PARD3B: variants seen among roughly 807,000 people sequenced by gnomAD.
PARD3B encodes partitioning defective 3 homolog B.
Under a neutral mutation model 130.2 loss-of-function variants are expected in PARD3B, and 103 were observed. That is an observed-to-expected ratio of 0.79 (90% CI 0.67 to 0.93). PARD3B has a LOEUF of 0.93. Ranked by LOEUF, PARD3B falls within the 40% of genes least tolerant of loss-of-function variation. The pLI is 0.00. For synonymous variants in PARD3B, 583 were observed against 553.2 expected (o/e 1.05, Z -0.76); for missense variants, 1,609 against 1,499.2 (o/e 1.07, Z -1.21).
intron 4 of PARD3B, among the ~76,000 whole-genome samples, chr2:205,090,447 G>A (rs191445783): frequency 9.3e-4 from 141 of 152,264 alleles, no homozygotes; most frequent in East Asian, 6.8e-3. Context: ...TACAGTTCAG[G>A]AAAGATCCAA....
Position 205,300,509 on chromosome 2 carries a change from C to CTT in PARD3B, c.2186-18_2186-17dup. ...ACTGCCCCATTAGAAGAGGGGTGAC[C>CTT]TTTTGCCCTTTCTTTTCCAGAATCT... is the stretch of plus-strand genomic sequence containing the variant. On this transcript the variant is annotated intron_variant, in intron 16 of 22. Coordinates refer to ENST00000406610, the MANE Select transcript of PARD3B (RefSeq NM_001302769.2). This position sits in a 1 kb window ranked among gnomAD's most constrained non-coding sequence, Gnocchi z 4.1. 2.5e-6 allele frequency: 4 copies of CTT among 1,594,332 alleles called. No homozygotes were observed. The highest frequency in any genetic ancestry group is 2.6e-6 in the Non-Finnish European group (3 of 1,163,270).
intron 19 of PARD3B, among the ~76,000 whole-genome samples, chr2:205,418,521 A>G (rs1026021372): frequency 1.3e-5 from 2 of 152,216 alleles, no homozygotes; most frequent in African/African-American, 4.8e-5. Context: ...ATCACAGAGA[A>G]GGCAGCCATG....
At chr2:205,494,663 G>A (rs943446996) in intron 20 of PARD3B, among the ~76,000 whole-genome samples, 13 of 152,102 alleles carry the variant, frequency 8.5e-5, no homozygotes, top group Admixed American at 5.9e-4. Context: ...CAAAAGGTAC[G>A]GCTATAAATG....
intron 2 of PARD3B, among the ~76,000 whole-genome samples, chr2:204,901,804 C>A (rs2046869002): frequency 6.6e-6 from 1 of 152,138 alleles, no homozygotes; most frequent in Admixed American, 6.5e-5. Flanking sequence ...GCTCTTTAGT[C>A]AGCAGGTGAT....
chr2:205,343,820 T>A (rs1000093555), intron 18 of PARD3B, among the ~76,000 whole-genome samples: 4 of 151,688 alleles, frequency 2.6e-5, no homozygotes, highest in Non-Finnish European at 4.4e-5. Flanking sequence ...TCTCTTTAAC[T>A]AGTTCTCCTC....
At chr2:205,556,223 G>A (rs1445164284) in intron 22 of PARD3B, among the ~76,000 whole-genome samples, 2 of 152,148 alleles carry the variant, frequency 1.3e-5, no homozygotes, top group South Asian at 2.1e-4. Context: ...GTAGGAAGTC[G>A]GTGGCCAACC....
intron 2 of PARD3B, among the ~76,000 whole-genome samples, chr2:204,937,623 T>C (rs956598028): frequency 5.9e-5 from 9 of 152,312 alleles, no homozygotes; most frequent in African/African-American, 1.7e-4. Flanking sequence ...ACTTCCTGAC[T>C]ATGTATTACT....
At chr2:204,985,725 A>T (rs939472563) in intron 3 of PARD3B, among the ~76,000 whole-genome samples, 2 of 152,180 alleles carry the variant, frequency 1.3e-5, no homozygotes. Context: ...AGCTGGTTTC[A>T]TATGGGGGGA....
chr2:205,480,901 G>A (rs1169257492), intron 20 of PARD3B, among the ~76,000 whole-genome samples: 1 of 152,222 alleles, frequency 6.6e-6, no homozygotes, highest in Non-Finnish European at 1.5e-5. Flanking sequence ...TCTGACAAGG[G>A]AGAATATGCC....
At chr2:205,199,757 T>G (rs190161124) in intron 15 of PARD3B, among the ~76,000 whole-genome samples, 12 of 152,206 alleles carry the variant, frequency 7.9e-5, no homozygotes, top group Admixed American at 7.2e-4. Context: ...CAAAAAAGCA[T>G]GGCTGCCAGG....
intron 15 of PARD3B, among the ~76,000 whole-genome samples, chr2:205,201,697 C>T (rs978171473): frequency 2.6e-5 from 4 of 152,052 alleles, no homozygotes; most frequent in Admixed American, 6.6e-5. Context: ...ATTAGCTGGG[C>T]GTGGTGGCCC....
At chr2:205,394,840 G>A (rs2045970747) in intron 18 of PARD3B, among the ~76,000 whole-genome samples, 1 of 152,182 alleles carries the variant, frequency 6.6e-6, no homozygotes, top group Non-Finnish European at 1.5e-5. Context: ...GGCACTGGAG[G>A]AAGGAGGGAG....
intron 22 of PARD3B, among the ~76,000 whole-genome samples, chr2:205,595,325 TG>T: frequency 6.6e-6 from 1 of 152,242 alleles, no homozygotes; most frequent in East Asian, 1.9e-4. Flanking sequence ...AGGCAGAGCC[TG>T]GAATTCCATC....
chr2:204,701,255 T>C (rs2037878759), intron 2 of PARD3B, among the ~76,000 whole-genome samples: 1 of 152,162 alleles, frequency 6.6e-6, no homozygotes, highest in South Asian at 2.1e-4. Flanking sequence ...CTCTATTTAC[T>C]GTAATTAAAA....
chr2:204,717,127 G>C (rs912010651), intron 2 of PARD3B, among the ~76,000 whole-genome samples: 1 of 152,136 alleles, frequency 6.6e-6, no homozygotes, highest in Non-Finnish European at 1.5e-5. Context: ...TAGTCGTGAT[G>C]ATAGGCTAAA....
Position 205,258,035 on chromosome 2 carries a change from A to G in PARD3B, c.2185+12213A>G, listed in dbSNP as rs114774310. 1.3e-5 allele frequency among the ~76,000 whole-genome samples: 2 copies of G among 152,262 alleles called. No homozygotes were observed. Among genetic ancestry groups the G allele is most frequent in the Non-Finnish European group, 2.9e-5 (2 of 68,008 alleles). ...TTTTACTTACTATAAACTTCTCTCA[A>G]TAAACTCTAACTTGAGTTATATTTT... On this transcript the variant is annotated intron_variant, in intron 16 of 22. Transcript: ENST00000406610. This position sits in a 1 kb window ranked among gnomAD's most constrained non-coding sequence, Gnocchi z 4.9.
intron 2 of PARD3B, among the ~76,000 whole-genome samples, chr2:204,900,235 C>G (rs2046806649): frequency 6.6e-6 from 1 of 152,078 alleles, no homozygotes; most frequent in African/African-American, 2.4e-5. Context: ...TCTTTAAGGC[C>G]AATAACTCTT....
chr2:205,195,932 A>G (rs1325941108), intron 15 of PARD3B, among the ~76,000 whole-genome samples: 2 of 152,158 alleles, frequency 1.3e-5, no homozygotes, highest in Admixed American at 6.6e-5. Flanking sequence ...TCCTATCAGT[A>G]GCCTTGTTTT....
At chr2:205,112,325 C>T (rs560333974) in intron 5 of PARD3B, among the ~76,000 whole-genome samples, 86 of 152,014 alleles carry the variant, frequency 5.7e-4, no homozygotes, top group Non-Finnish European at 1.1e-3. Context: ...CAACCTAATC[C>T]ACTGATGAGA....
Sources: allele counts gnomAD v4.1 joint callset (sites outside exome capture counted in the v4.1 genomes callset), GRCh38; gene constraint gnomAD v4.1.1; non-coding constraint Gnocchi (gnomAD v3.1); transcripts MANE v1.5; gene names NCBI Gene and HGNC (gene_info 2026-07-23, HGNC 2026-07-21).